FOXN2: variants seen among roughly 807,000 people sequenced by gnomAD.
FOXN2 encodes forkhead box protein N2.
In FOXN2, 19 loss-of-function variants were observed where a neutral mutation model predicts 41.2. The observed-to-expected ratio is 0.46, with a 90% CI of 0.32 to 0.68. The LOEUF (loss-of-function observed/expected upper bound fraction) is 0.68, where lower values mean the gene tolerates loss of function less well. Among genes scored for constraint, FOXN2 ranks in the 30% least tolerant of loss-of-function variants. The probability of loss-of-function intolerance (pLI) is 0.03; values close to 1 mark genes in which losing one functional copy is unlikely to be tolerated. For synonymous variants in FOXN2, 195 were observed against 176.8 expected (o/e 1.10, Z -0.82); for missense variants, 587 against 509.4 (o/e 1.15, Z -1.47).
chr2:48,318,400 G>C (rs934891400), intron 1 of FOXN2, among the ~76,000 whole-genome samples: 4 of 152,062 alleles, frequency 2.6e-5, no homozygotes, highest in African/African-American at 7.2e-5. Flanking sequence ...CTGATGATTA[G>C]ACTGGGATTA....
intron 2 of FOXN2, among the ~76,000 whole-genome samples, chr2:48,333,089 G>A (rs1389498069): frequency 6.6e-6 from 1 of 151,982 alleles, no homozygotes; most frequent in Non-Finnish European, 1.5e-5. Context: ...CTAGTGTTAT[G>A]TATGTTAATC....
At chr2:48,348,527 A>G (rs899696689) in intron 3 of FOXN2, among the ~76,000 whole-genome samples, 3 of 152,124 alleles carry the variant, frequency 2.0e-5, no homozygotes, top group Admixed American at 6.6e-5. Context: ...TTTTGTATGT[A>G]TTTTATAATT....
At chr2:48,313,838 C>T (rs1220621638), upstream of FOXN2, among the ~76,000 whole-genome samples, 3 of 152,082 alleles carry the variant, frequency 2.0e-5, no homozygotes, top group Admixed American at 6.5e-5. Flanking sequence ...GAAGTATAAC[C>T]CAAACGGGAT....
chr2:48,365,320 T>G (rs571407362), intron 5 of FOXN2, among the ~76,000 whole-genome samples: 1 of 152,214 alleles, frequency 6.6e-6, no homozygotes, highest in Non-Finnish European at 1.5e-5. Context: ...AAGACAAATA[T>G]CCGTGTTCCT....
At chr2:48,337,091 C>G (rs1670414300) in intron 2 of FOXN2, among the ~76,000 whole-genome samples, 1 of 151,464 alleles carries the variant, frequency 6.6e-6, no homozygotes, top group Non-Finnish European at 1.5e-5. Flanking sequence ...CCACCCCCAC[C>G]TCCCTCCCAC....
At chr2:48,327,868 TTTTTG>T (rs1669782586) in intron 1 of FOXN2, among the ~76,000 whole-genome samples, 1 of 152,366 alleles carries the variant, frequency 6.6e-6, no homozygotes, top group African/African-American at 2.4e-5. Context: ...GTTAATTGTA[TTTTTG>T]TTTTGTTTTT....
chr2:48,341,671 A>G (rs1670783529), intron 2 of FOXN2, among the ~76,000 whole-genome samples: 1 of 152,210 alleles, frequency 6.6e-6, no homozygotes, highest in Admixed American at 6.5e-5. Flanking sequence ...AAGAAAGAGC[A>G]TGTGGCCAAG....
intron 1 of FOXN2, among the ~76,000 whole-genome samples, chr2:48,317,445 T>C (rs1668994787): frequency 7.0e-6 from 1 of 142,296 alleles, no homozygotes; most frequent in Non-Finnish European, 1.6e-5. Flanking sequence ...CAAAACTCTG[T>C]CTCAAAAAAA....
intron 5 of FOXN2, among the ~76,000 whole-genome samples, chr2:48,366,267 G>A (rs1482070347): frequency 6.6e-6 from 1 of 151,698 alleles, no homozygotes; most frequent in Non-Finnish European, 1.5e-5. Context: ...GCTGAGGCAG[G>A]AGAATCACTT....
chr2:48,337,553 A>G (rs1389726909), intron 2 of FOXN2, among the ~76,000 whole-genome samples: 1 of 151,592 alleles, frequency 6.6e-6, no homozygotes, highest in Non-Finnish European at 1.5e-5. Context: ...TGACCCGCCC[A>G]CCTCTGCCTC....
chr2:48,355,050 A>T (rs906888760), intron 3 of FOXN2, among the ~76,000 whole-genome samples: 8 of 152,160 alleles, frequency 5.3e-5, no homozygotes, highest in Non-Finnish European at 8.8e-5. Flanking sequence ...AGCAGATCAT[A>T]TTCTGATTTC....
intron 2 of FOXN2, among the ~76,000 whole-genome samples, chr2:48,332,248 T>A (rs1364265950): frequency 1.3e-5 from 2 of 152,206 alleles, no homozygotes; most frequent in Non-Finnish European, 2.9e-5. Flanking sequence ...GTTTATAAAT[T>A]CTTTTTTTGT....
intron 6 of FOXN2, 91 bp downstream of exon 6, chr2:48,373,451 T>C (rs1673038649): frequency 2.7e-6 from 2 of 736,170 alleles, no homozygotes; most frequent in Non-Finnish European, 2.3e-6. Flanking sequence ...CAAAAATTAC[T>C]TCTTTCCAAC....
intron 1 of FOXN2, among the ~76,000 whole-genome samples, chr2:48,319,385 T>C (rs1343642551): frequency 6.6e-6 from 1 of 152,084 alleles, no homozygotes; most frequent in East Asian, 1.9e-4. Context: ...CATCCTAACA[T>C]TGGGAATGTT....
At chr2:48,370,560 T>G (rs993235639) in intron 5 of FOXN2, among the ~76,000 whole-genome samples, 1 of 152,180 alleles carries the variant, frequency 6.6e-6, no homozygotes, top group African/African-American at 2.4e-5. Flanking sequence ...CCCTTTCCTC[T>G]TAATTTTTTT....
rs1382227371 is a variant in FOXN2, at chr2:48,346,571, T to C, written c.357T>C (p.Leu119=). ...ATSKPPYSFS[L]LIYMAIEHSP... ...CAAAGCCCCCATACTCCTTTAGTCTTCTCATTTATATGGCCATTGAGCACT... is the reference window on the plus strand; with the variant it reads ...CAAAGCCCCCATACTCCTTTAGTCTCCTCATTTATATGGCCATTGAGCACT... Residue 119 remains leucine, a synonymous_variant, in exon 3 of 7, where the codon CTT becomes CTC. Transcript: ENST00000340553. The C allele has an allele frequency of 6.2e-7, 1 of 1,613,746 alleles. No individual in the cohort carries two copies.
chr2:48,344,306 C>T (rs116829769), intron 2 of FOXN2, among the ~76,000 whole-genome samples: 1,855 of 152,200 alleles, frequency 0.012, 26 homozygotes, highest in Non-Finnish European at 0.015. Context: ...TGTGATGTTT[C>T]AAGTTATGGG....
chr2:48,372,135 T>C (rs1264216343), intron 5 of FOXN2, among the ~76,000 whole-genome samples: 1 of 152,208 alleles, frequency 6.6e-6, no homozygotes, highest in Non-Finnish European at 1.5e-5. Flanking sequence ...CTTTCAGCTT[T>C]TCCCCATTCA....
At chr2:48,344,016 CCTT>C (rs1670935824) in intron 2 of FOXN2, among the ~76,000 whole-genome samples, 1 of 152,100 alleles carries the variant, frequency 6.6e-6, no homozygotes, top group Non-Finnish European at 1.5e-5. Context: ...TTAATCACTC[CCTT>C]CTTTAACTGA....
Sources: allele counts gnomAD v4.1 joint callset (sites outside exome capture counted in the v4.1 genomes callset), GRCh38; gene constraint gnomAD v4.1.1; transcripts MANE v1.5; gene names NCBI Gene and HGNC (gene_info 2026-07-23, HGNC 2026-07-21).